Variants in UBE2R2 observed in about 807,000 individuals in gnomAD.
The protein encoded by UBE2R2 is ubiquitin-conjugating enzyme E2 R2.
Under a neutral mutation model 27.8 loss-of-function variants are expected in UBE2R2, and 1 was observed. That is an observed-to-expected ratio of 0.04 (90% CI 0.01 to 0.17). The LOEUF (loss-of-function observed/expected upper bound fraction) is 0.17, where lower values mean the gene tolerates loss of function less well. Among genes scored for constraint, UBE2R2 ranks in the 10% least tolerant of loss-of-function variants. The pLI is 1.00. For synonymous variants in UBE2R2, 106 were observed against 113.3 expected (o/e 0.94, Z 0.41); for missense variants, 100 against 291.0 (o/e 0.34, Z 4.78).
chr9:33,831,406 A>T (rs1376201474), intron 1 of UBE2R2, among the ~76,000 whole-genome samples: 1 of 152,106 alleles, frequency 6.6e-6, no homozygotes, highest in East Asian at 1.9e-4. Context: ...TTTCCTTCTT[A>T]TGACTTAATA....
intron 1 of UBE2R2, among the ~76,000 whole-genome samples, chr9:33,864,602 T>G (rs1270632191): frequency 6.6e-6 from 1 of 152,084 alleles, no homozygotes; most frequent in East Asian, 1.9e-4. Flanking sequence ...CAGGGTGGAG[T>G]GTGGTGTTGC....
intron 2 of UBE2R2, among the ~76,000 whole-genome samples, chr9:33,893,735 T>G (rs1822036705): frequency 6.6e-6 from 1 of 152,186 alleles, no homozygotes; most frequent in Admixed American, 6.5e-5. Context: ...GGCCCCAAGC[T>G]ATTCTCGTGC....
chr9:33,847,200 C>T (rs1271114369), intron 1 of UBE2R2, among the ~76,000 whole-genome samples: 2 of 152,002 alleles, frequency 1.3e-5, no homozygotes, highest in Non-Finnish European at 2.9e-5. Flanking sequence ...CGAATTCAGG[C>T]GATTTTCCTT....
At chr9:33,893,052 G>C (rs1367476643) in intron 2 of UBE2R2, among the ~76,000 whole-genome samples, 1 of 152,160 alleles carries the variant, frequency 6.6e-6, no homozygotes, top group East Asian at 1.9e-4. Context: ...CAGCCTGGGT[G>C]ACAGAGCAAG....
At chr9:33,822,404 C>T (rs1340077200) in intron 1 of UBE2R2, among the ~76,000 whole-genome samples, 4 of 146,248 alleles carry the variant, frequency 2.7e-5, no homozygotes, top group Non-Finnish European at 6.0e-5. Flanking sequence ...CACTGACTTA[C>T]ATTAAAGAAA....
intron 3 of UBE2R2, 60 bp from the exon 4 acceptor site, chr9:33,911,904 A>G (rs1394749925): frequency 8.1e-6 from 12 of 1,482,702 alleles, no homozygotes; most frequent in Non-Finnish European, 9.0e-6. Flanking sequence ...TAAAAAGCAG[A>G]ATACTTTTAA....
rs1825834211 is a variant in UBE2R2 at position 33,817,680 on chromosome 9, G to C, written c.-78G>C. 2 of 1,224,348 alleles carry C rather than the reference G, an allele frequency of 1.6e-6. No individual in the cohort carries two copies. The highest frequency in any genetic ancestry group is 2.0e-6 in the Non-Finnish European group (2 of 982,338). The allele number at this position is 1,224,348 out of a possible 1,614,324, so 75.8% of individuals were successfully genotyped here. A position where few individuals can be genotyped will look rare whatever the true frequency, so the allele number is the denominator to read the frequency against. On this transcript the variant is annotated 5_prime_UTR_variant, in exon 1 of 5. Transcript: ENST00000263228. Reference sequence around the variant, plus strand: ...TGCCCGGCCGGAGGGCGAGCGGAGGGGAGGGGCCTGGTCCGGCCCGGCCGG... The same window carrying C: ...TGCCCGGCCGGAGGGCGAGCGGAGGCGAGGGGCCTGGTCCGGCCCGGCCGG...
intron 1 of UBE2R2, among the ~76,000 whole-genome samples, chr9:33,828,713 C>T (rs1379231020): frequency 6.6e-6 from 1 of 150,590 alleles, no homozygotes; most frequent in Non-Finnish European, 1.5e-5. Flanking sequence ...AGGCATGTGC[C>T]ACCATGCCCA....
chr9:33,838,232 T>C (rs1820655548), intron 1 of UBE2R2, among the ~76,000 whole-genome samples: 1 of 151,478 alleles, frequency 6.6e-6, no homozygotes, highest in Admixed American at 6.6e-5. Context: ...CTGTATTTTT[T>C]AGTTTGTATT....
chr9:33,847,537 C>T (rs924312541), intron 1 of UBE2R2, among the ~76,000 whole-genome samples: 1 of 151,988 alleles, frequency 6.6e-6, no homozygotes, highest in Non-Finnish European at 1.5e-5. Flanking sequence ...GGTTTTCTTT[C>T]CTGCCTTTGG....
intron 1 of UBE2R2, among the ~76,000 whole-genome samples, chr9:33,855,025 A>C (rs369329885): frequency 0.39 from 59,067 of 151,670 alleles, 11,843 homozygotes; most frequent in South Asian, 0.47. Flanking sequence ...ATTCATATTA[A>C]CATTCCTGGC....
At chr9:33,903,255 G>GA (rs1822284655) in intron 3 of UBE2R2, among the ~76,000 whole-genome samples, 1 of 152,106 alleles carries the variant, frequency 6.6e-6, no homozygotes, top group Admixed American at 6.5e-5. Flanking sequence ...ATGATTTGTT[G>GA]AAAAAATTGC....
At chr9:33,832,856 A>AT (rs1048082984) in intron 1 of UBE2R2, among the ~76,000 whole-genome samples, 3 of 152,038 alleles carry the variant, frequency 2.0e-5, no homozygotes, top group African/African-American at 7.2e-5. Flanking sequence ...AGTTCTATGA[A>AT]TTTTGATAAA....
intron 1 of UBE2R2, among the ~76,000 whole-genome samples, chr9:33,852,859 T>A (rs1370118520): frequency 2.0e-5 from 3 of 152,090 alleles, no homozygotes; most frequent in South Asian, 4.1e-4. Flanking sequence ...AGTACAAGAA[T>A]TAGCTGAATA....
intron 1 of UBE2R2, among the ~76,000 whole-genome samples, chr9:33,844,847 A>T (rs1025166792): frequency 1.3e-5 from 2 of 150,582 alleles, no homozygotes; most frequent in African/African-American, 4.9e-5. Flanking sequence ...GCTCACTGCA[A>T]CTTCCACCTC....
chr9:33,914,971 TA>T (rs987662605), intron 4 of UBE2R2, among the ~76,000 whole-genome samples: 1 of 151,454 alleles, frequency 6.6e-6, no homozygotes, highest in African/African-American at 2.4e-5. Flanking sequence ...ATACCATCTC[TA>T]CAAAAAAATT....
At chr9:33,888,626 C>G (rs1821915742) in intron 2 of UBE2R2, among the ~76,000 whole-genome samples, 1 of 152,312 alleles carries the variant, frequency 6.6e-6, no homozygotes, top group South Asian at 2.1e-4. Context: ...AAGCGATTCT[C>G]CTGTCTCAGC....
intron 1 of UBE2R2, among the ~76,000 whole-genome samples, chr9:33,875,579 T>C (rs1215203860): frequency 1.3e-5 from 2 of 152,156 alleles, no homozygotes; most frequent in African/African-American, 2.4e-5. Context: ...AATTAAAAAA[T>C]AATTGTGTCT....
At position 33,874,237 on chromosome 9, in the gene UBE2R2, C is replaced by T. The variant is rs377219007; in HGVS notation, c.178-12644C>T. Among the ~76,000 whole-genome samples the T allele has an allele frequency of 2.4e-4, 37 of 152,072 alleles. No homozygotes were observed. In the East Asian group the frequency reaches 4.1e-3, roughly 17 times the overall value. Reference sequence around the variant, plus strand: ...TGCTGGGATTACAGGCATGAACCACCGTGCCCAGCCTTAACTTAGTTTTTA... The same window carrying T: ...TGCTGGGATTACAGGCATGAACCACTGTGCCCAGCCTTAACTTAGTTTTTA... On this transcript the variant is annotated intron_variant, in intron 1 of 4. Transcript: ENST00000263228.
Sources: gnomAD v4.1 joint callset for allele counts (sites outside exome capture counted in the v4.1 genomes callset) on GRCh38, gnomAD v4.1.1 for gene constraint, MANE v1.5 for transcripts, NCBI Gene and HGNC (gene_info 2026-07-23, HGNC 2026-07-21) for gene names.